CAMK1D: variants seen among roughly 807,000 people sequenced by gnomAD.
CAMK1D encodes the protein calcium/calmodulin dependent protein kinase ID.
In CAMK1D, 9 loss-of-function variants were observed where a neutral mutation model predicts 47.7. The observed-to-expected ratio is 0.19, with a 90% CI of 0.11 to 0.33. The LOEUF (loss-of-function observed/expected upper bound fraction) is 0.33, where lower values mean the gene tolerates loss of function less well. Ranked by LOEUF, CAMK1D falls within the 10% of genes least tolerant of loss-of-function variation. CAMK1D has a pLI of 1.00. For missense variants in CAMK1D, 291 were observed against 488.7 expected (o/e 0.60, Z 3.81); for synonymous variants, 184 against 184.9 (o/e 0.99, Z 0.04).
chr10:12,563,693 G>A (rs1252818912), intron 2 of CAMK1D, among the ~76,000 whole-genome samples: 1 of 63,814 alleles, frequency 1.6e-5, no homozygotes, highest in Non-Finnish European at 4.0e-5. Context: ...GAGAGAGAGA[G>A]AGAGAGGGAG....
At chr10:12,806,403 G>A (rs1450938536) in intron 6 of CAMK1D, among the ~76,000 whole-genome samples, 4 of 152,336 alleles carry the variant, frequency 2.6e-5, no homozygotes, top group Admixed American at 6.5e-5. Context: ...AATCACTGCT[G>A]TAGATGCAGG....
chr10:12,391,088 AC>A (rs1241150650), intron 1 of CAMK1D, among the ~76,000 whole-genome samples: 1 of 151,978 alleles, frequency 6.6e-6, no homozygotes, highest in Non-Finnish European at 1.5e-5. Flanking sequence ...AATGAGGAAA[AC>A]CCTTTCTCAG....
intron 1 of CAMK1D, among the ~76,000 whole-genome samples, chr10:12,439,928 G>T (rs1832737698): frequency 6.6e-6 from 1 of 152,170 alleles, no homozygotes; most frequent in South Asian, 2.1e-4. Context: ...AGAACCAGGT[G>T]AAAACAGAAA....
At chr10:12,517,929 C>T (rs1835260170) in intron 1 of CAMK1D, among the ~76,000 whole-genome samples, 1 of 152,116 alleles carries the variant, frequency 6.6e-6, no homozygotes, top group South Asian at 2.1e-4. Flanking sequence ...ATTTCCTTCT[C>T]TTCTGTTTTC....
chr10:12,475,501 A>G (rs994877738), intron 1 of CAMK1D, among the ~76,000 whole-genome samples: 1 of 152,132 alleles, frequency 6.6e-6, no homozygotes, highest in African/African-American at 2.4e-5. Flanking sequence ...GTCTGGCTGT[A>G]CCACCTTTTG....
At chr10:12,377,048 A>G (rs921092595) in intron 1 of CAMK1D, among the ~76,000 whole-genome samples, 1 of 152,156 alleles carries the variant, frequency 6.6e-6, no homozygotes, top group African/African-American at 2.4e-5. Context: ...GGTGTGAGCC[A>G]CCGCACCCGG....
At chr10:12,645,404 C>T (rs998554104) in intron 2 of CAMK1D, among the ~76,000 whole-genome samples, 4 of 152,184 alleles carry the variant, frequency 2.6e-5, no homozygotes, top group African/African-American at 4.8e-5. Flanking sequence ...AAAGTACAAA[C>T]GTCAAATCGG....
intron 2 of CAMK1D, among the ~76,000 whole-genome samples, chr10:12,577,069 A>C (rs1837511894): frequency 6.6e-6 from 1 of 152,196 alleles, no homozygotes; most frequent in Non-Finnish European, 1.5e-5. Flanking sequence ...TGCCTTTGTT[A>C]ATATGTGCCA....
chr10:12,742,095 G>A (rs371490674), intron 3 of CAMK1D, among the ~76,000 whole-genome samples: 10 of 152,228 alleles, frequency 6.6e-5, no homozygotes, highest in South Asian at 6.2e-4. Flanking sequence ...CTCTGCCTAC[G>A]CCCACTGCTT....
At chr10:12,742,686 T>TGAG (rs1383414569) in intron 3 of CAMK1D, among the ~76,000 whole-genome samples, 1 of 152,024 alleles carries the variant, frequency 6.6e-6, no homozygotes, top group African/African-American at 2.4e-5. Context: ...TATGAGCGAG[T>TGAG]GAGGTGCCAT....
At position 12,724,938 on chromosome 10, in the gene CAMK1D, T is replaced by A. The variant is rs78221392; in HGVS notation, c.300-36010T>A. 7.8e-3 allele frequency among the ~76,000 whole-genome samples: 1,178 copies of A among 151,838 alleles called. 18 individuals are homozygous for A. The highest frequency in any genetic ancestry group is 0.024 in the Middle Eastern group (7 of 294). ...GTGTCTCAGCGTCTGCCACCTGAGA[T>A]GTTTGATGTAACTGTGAAAAGAAAA... On this transcript the variant is annotated intron_variant, in intron 3 of 10. Transcript: ENST00000619168.
At chr10:12,602,820 C>T (rs929123788) in intron 2 of CAMK1D, among the ~76,000 whole-genome samples, 1 of 151,844 alleles carries the variant, frequency 6.6e-6, no homozygotes, top group Admixed American at 6.6e-5. Flanking sequence ...AAGTTGAGGA[C>T]GTCTGAGCAA....
intron 3 of CAMK1D, among the ~76,000 whole-genome samples, chr10:12,681,078 A>G (rs894640637): frequency 6.6e-6 from 1 of 152,058 alleles, no homozygotes; most frequent in African/African-American, 2.4e-5. Context: ...GTCAGTGTCC[A>G]CAGGACAACC....
chr10:12,398,205 C>CT (rs1022738614), intron 1 of CAMK1D, among the ~76,000 whole-genome samples: 14 of 151,664 alleles, frequency 9.2e-5, no homozygotes, highest in Middle Eastern at 6.8e-3. Flanking sequence ...CTACCTCATT[C>CT]TTTTTTTTTC....
intron 1 of CAMK1D, among the ~76,000 whole-genome samples, chr10:12,355,426 A>G (rs539377927): frequency 1.1e-3 from 173 of 151,962 alleles, no homozygotes; most frequent in African/African-American, 3.9e-3. Context: ...AACAGACTCA[A>G]CTTTTCTTTT....
At chr10:12,712,626 C>A (rs1028540695) in intron 3 of CAMK1D, among the ~76,000 whole-genome samples, 5 of 152,150 alleles carry the variant, frequency 3.3e-5, no homozygotes. Flanking sequence ...GGACACTAAT[C>A]GCATCCTGGG....
At chr10:12,669,818 A>G (rs1840553551) in intron 3 of CAMK1D, among the ~76,000 whole-genome samples, 1 of 151,674 alleles carries the variant, frequency 6.6e-6, no homozygotes. Flanking sequence ...TATTTCACTC[A>G]TCATTATTTT....
At chr10:12,557,377 G>A (rs930938648) in intron 2 of CAMK1D, among the ~76,000 whole-genome samples, 12 of 151,860 alleles carry the variant, frequency 7.9e-5, no homozygotes, top group African/African-American at 2.2e-4. Flanking sequence ...GTGAAACCCC[G>A]TCTCTACTAA....
At chr10:12,688,934 C>T (rs1286826059) in intron 3 of CAMK1D, among the ~76,000 whole-genome samples, 1 of 152,216 alleles carries the variant, frequency 6.6e-6, no homozygotes, top group African/African-American at 2.4e-5. Flanking sequence ...CCACCTGCCT[C>T]GGCCTCCCAA....
Sources: allele counts gnomAD v4.1 joint callset (sites outside exome capture counted in the v4.1 genomes callset), GRCh38; gene constraint gnomAD v4.1.1; transcripts MANE v1.5; gene names NCBI Gene and HGNC (gene_info 2026-07-23, HGNC 2026-07-21).